The following DAAM1 variants were observed in gnomAD, a reference collection of about 807,000 sequenced individuals.
The protein encoded by DAAM1 is disheveled-associated activator of morphogenesis 1.
A neutral mutation model predicts 130.0 loss-of-function variants in DAAM1; 52 were observed. That is an observed-to-expected ratio of 0.40 (90% CI 0.32 to 0.50). The LOEUF is 0.50. DAAM1 is among the 20% of genes least tolerant of loss of function. The pLI is 0.61. For missense variants in DAAM1, 1,134 were observed against 1,303.8 expected, an observed-to-expected ratio of 0.87 and a Z score of 2.01; for synonymous variants, 452 against 444.5, an observed-to-expected ratio of 1.02 and a Z score of -0.21.
At chr14:59,324,821 G>T (rs1273721360) in intron 8 of DAAM1, among the ~76,000 whole-genome samples, 2 of 152,274 alleles carry the variant, frequency 1.3e-5, no homozygotes, top group East Asian at 3.9e-4. Context: ...TTCCAGGAAT[G>T]ATGTAAAAAT....
At chr14:59,344,963 T>C (rs1886014620) in intron 16 of DAAM1, among the ~76,000 whole-genome samples, 1 of 152,066 alleles carries the variant, frequency 6.6e-6, no homozygotes, top group Non-Finnish European at 1.5e-5. Context: ...TTTTTTTTTT[T>C]CTTACAAGCA....
At position 59,340,218 on chromosome 14, in the gene DAAM1, A is replaced by C. The variant is rs200902622; in HGVS notation, c.2075+38A>C. ...TTGAATAAACATTTCTAGTAGGACCAACATTTCCATTCTGTGGCTCAAAAC... is the reference window on the plus strand; with the variant it reads ...TTGAATAAACATTTCTAGTAGGACCCACATTTCCATTCTGTGGCTCAAAAC... On this transcript the variant is annotated intron_variant, in intron 16 of 24. Coordinates refer to ENST00000360909, the MANE Select transcript of DAAM1 (RefSeq NM_001270520.2). 1.2e-3 allele frequency: 1,959 copies of C among 1,583,108 alleles called. 3 individuals are homozygous for C. The highest frequency in any genetic ancestry group is 2.7e-3 in the Middle Eastern group (16 of 5,984).
chr14:59,189,221 T>A (rs765547021), intron 1 of DAAM1, among the ~76,000 whole-genome samples: 1 of 151,864 alleles, frequency 6.6e-6, no homozygotes, highest in Admixed American at 6.6e-5. Context: ...GAGGCAGGCT[T>A]GGTGGACACG....
intron 1 of DAAM1, among the ~76,000 whole-genome samples, chr14:59,215,052 T>C (rs1028918225): frequency 6.6e-6 from 1 of 152,208 alleles, no homozygotes; most frequent in Admixed American, 6.5e-5. Context: ...CTTGTCTTCA[T>C]AGATGAGGGA....
chr14:59,289,003 ACCT>A (rs1883597929), intron 2 of DAAM1, among the ~76,000 whole-genome samples: 2 of 152,086 alleles, frequency 1.3e-5, no homozygotes, highest in African/African-American at 4.8e-5. Flanking sequence ...TGCAACCTCC[ACCT>A]CCAGGTTCAA....
At chr14:59,245,608 G>T (rs1201223264) in intron 1 of DAAM1, among the ~76,000 whole-genome samples, 1 of 152,076 alleles carries the variant, frequency 6.6e-6, no homozygotes, top group Non-Finnish European at 1.5e-5. Flanking sequence ...AAATACAATG[G>T]ATTTAAGAAA....
intron 12 of DAAM1, among the ~76,000 whole-genome samples, chr14:59,330,236 T>C (rs887867084): frequency 6.6e-6 from 1 of 152,094 alleles, no homozygotes; most frequent in African/African-American, 2.4e-5. Context: ...ACTCAAACTT[T>C]TGTTCTGTGT....
At chr14:59,331,157 A>C in intron 13 of DAAM1, 52 bp from the exon 14 acceptor site, 1 of 1,593,876 alleles carries the variant, frequency 6.3e-7, no homozygotes. Context: ...TAAATCATTC[A>C]ATGAATTTAC....
chr14:59,307,501 T>C (rs1039581202), intron 3 of DAAM1, among the ~76,000 whole-genome samples: 1 of 152,242 alleles, frequency 6.6e-6, no homozygotes, highest in Admixed American at 6.5e-5. Flanking sequence ...ACTTAGAGAA[T>C]TGATAAAGAG....
rs1883730098 is a variant in DAAM1, at chr14:59,291,268, G to C, written c.235G>C (p.Ala79Pro). ...KHREAMFALPAEKKWQIYCSK... is the reference protein window; with the variant it reads ...KHREAMFALPPEKKWQIYCSK... ...CAGAGAAGCCATGTTTGCACTTCCA[G>C]CTGAGAAAAAATGGCAAATATACTG... is the stretch of plus-strand genomic sequence containing the variant. Residue 79 changes from alanine to proline, a missense_variant, in exon 3 of 25, where the codon GCT (alanine) becomes CCT (proline). By Grantham distance (27) the Ala-to-Pro change is conservative (BLOSUM62 -1). Coordinates refer to ENST00000360909, the MANE Select transcript of DAAM1 (RefSeq NM_001270520.2). 1.2e-6 allele frequency: 2 copies of C among 1,611,372 alleles called. No individual in the cohort carries two copies. The highest frequency in any genetic ancestry group is 1.7e-6 in the Non-Finnish European group (2 of 1,179,250).
At chr14:59,193,429 C>A (rs919753532) in intron 1 of DAAM1, among the ~76,000 whole-genome samples, 4 of 152,036 alleles carry the variant, frequency 2.6e-5, no homozygotes, top group African/African-American at 9.7e-5. Context: ...TTTCATCCAG[C>A]AGATTTTTTT....
At chr14:59,200,985 T>C (rs1888083041) in intron 1 of DAAM1, among the ~76,000 whole-genome samples, 1 of 151,266 alleles carries the variant, frequency 6.6e-6, no homozygotes, top group African/African-American at 2.4e-5. Context: ...CATGATGAAA[T>C]CCTGTCTCCA....
intron 1 of DAAM1, among the ~76,000 whole-genome samples, chr14:59,214,663 G>A (rs1410881580): frequency 1.3e-5 from 2 of 152,140 alleles, no homozygotes; most frequent in Non-Finnish European, 2.9e-5. Flanking sequence ...GTTCATCCAT[G>A]TCATGGCATG....
intron 1 of DAAM1, among the ~76,000 whole-genome samples, chr14:59,259,069 C>A (rs1449969271): frequency 6.6e-6 from 1 of 152,208 alleles, no homozygotes; most frequent in Non-Finnish European, 1.5e-5. Flanking sequence ...CCCCCGACTT[C>A]TCGCCCCTCC....
At chr14:59,286,920 C>G (rs923593296) in intron 2 of DAAM1, among the ~76,000 whole-genome samples, 6 of 152,124 alleles carry the variant, frequency 3.9e-5, no homozygotes, top group Non-Finnish European at 5.9e-5. Context: ...GAAGGGACTC[C>G]TCCCTAACTC....
intron 1 of DAAM1, among the ~76,000 whole-genome samples, chr14:59,195,994 C>T (rs1231240889): frequency 2.0e-5 from 3 of 151,948 alleles, no homozygotes; most frequent in Admixed American, 6.6e-5. Context: ...TATTTTAAAG[C>T]GAACTGGTAG....
At chr14:59,195,805 G>C (rs1262586657) in intron 1 of DAAM1, among the ~76,000 whole-genome samples, 3 of 152,024 alleles carry the variant, frequency 2.0e-5, no homozygotes, top group Non-Finnish European at 4.4e-5. Context: ...ATACAAACCA[G>C]GTCAAGGGCA....
intron 20 of DAAM1, among the ~76,000 whole-genome samples, chr14:59,357,592 C>T (rs867997940): frequency 7.9e-5 from 12 of 152,136 alleles, no homozygotes; most frequent in South Asian, 2.1e-4. Context: ...TCCTGGCTAA[C>T]GTGGTGAAAC....
chr14:59,332,646 G>A (rs1000365486), intron 15 of DAAM1, among the ~76,000 whole-genome samples: 2 of 152,194 alleles, frequency 1.3e-5, no homozygotes, highest in African/African-American at 4.8e-5. Context: ...AGAGGGCATC[G>A]TGATACAGCC....
Sources: allele counts gnomAD v4.1 joint callset (sites outside exome capture counted in the v4.1 genomes callset), GRCh38; gene constraint gnomAD v4.1.1; transcripts MANE v1.5; gene names NCBI Gene and HGNC (gene_info 2026-07-23, HGNC 2026-07-21).